The following GBX1 variants were observed in gnomAD, a reference collection of about 807,000 sequenced individuals.
GBX1 encodes gastrulation brain homeobox 1.
In GBX1, 9 loss-of-function variants were observed where a neutral mutation model predicts 22.9. The ratio of observed to expected loss-of-function variants is 0.39; its 90% CI spans 0.24 to 0.69. The LOEUF is 0.69. Ranked by LOEUF, GBX1 falls within the 30% of genes least tolerant of loss-of-function variation. The pLI is 0.43. For synonymous variants in GBX1, 203 were observed against 227.3 expected, an observed-to-expected ratio of 0.89 and a Z score of 0.96; for missense variants, 494 against 509.2, an observed-to-expected ratio of 0.97 and a Z score of 0.29.
At chr7:151,158,408 G>A (rs988021292) in intron 1 of GBX1, among the ~76,000 whole-genome samples, 1 of 151,882 alleles carries the variant, frequency 6.6e-6, no homozygotes, top group African/African-American at 2.4e-5. Flanking sequence ...AAACATATGA[G>A]GGAACAGAAA....
At chr7:151,152,412 T>TA (rs1469396522) in intron 1 of GBX1, among the ~76,000 whole-genome samples, 1 of 152,222 alleles carries the variant, frequency 6.6e-6, no homozygotes, top group African/African-American at 2.4e-5. Context: ...TATAGGATCT[T>TA]AAAAATCTAT....
At chr7:151,153,093 G>A (rs1217859217) in intron 1 of GBX1, among the ~76,000 whole-genome samples, 4 of 152,068 alleles carry the variant, frequency 2.6e-5, no homozygotes, top group African/African-American at 9.7e-5. Context: ...AAGGAAAGAA[G>A]TGGGGTAGAG....
chr7:151,167,071 C>G lies in GBX1; in HGVS notation c.478G>C (p.Val160Leu), dbSNP rs755163018. ...ADELLPAREK[V>L]AEPPPPPPPH... is the part of the protein sequence containing the mutation. ...GGCGGAGGTGGTGGGGGCTCTGCCA[C>G]TTTCTCCCGGGCCGGCAGCAGCTCA... Residue 160 changes from valine to leucine, a missense_variant, in exon 1 of 2, where the codon GTG becomes CTG. Around this residue, in one of 3 missense-constraint regions of GBX1, gnomAD observed 365 missense variants for 340.4 expected, o/e 1.07. Transcript: ENST00000297537. The surrounding 1 kb of genome is among the most constrained non-coding windows in gnomAD (Gnocchi z 5.9). 1.9e-6 allele frequency: 3 copies of G among 1,602,716 alleles called. No individual in the cohort carries two copies. In the African/African-American group the frequency reaches 4.1e-5, roughly 22 times the overall value.
rs748797106 is a variant in GBX1 at position 151,167,192 on chromosome 7, C to T, written c.357G>A (p.Gln119=). ...CGGCGGCAGCGGCGGCGGCGAGCTC[C>T]TGGGGCCCGTAGAAAGCGTCGGGCG... ...AEPPDAFYGP[Q]ELAAAAAAAA... Residue 119 remains glutamine (Q), a synonymous_variant, in exon 1 of 2, where the codon CAG becomes CAA. Transcript: ENST00000297537. This position sits in a 1 kb window ranked among gnomAD's most constrained non-coding sequence, Gnocchi z 5.9. 3 of 1,573,036 alleles carry T rather than the reference C, an allele frequency of 1.9e-6. No individual in the cohort carries two copies. The highest frequency in any genetic ancestry group is 2.6e-6 in the Non-Finnish European group (3 of 1,161,526).
chr7:151,156,383 C>T (rs1272568351), intron 1 of GBX1, among the ~76,000 whole-genome samples: 2 of 30,542 alleles, frequency 6.5e-5, no homozygotes, highest in Non-Finnish European at 1.2e-4. Context: ...GAGACCCTGT[C>T]TCAAAAAAAA....
At chr7:151,164,120 A>T (rs1032245198) in intron 1 of GBX1, among the ~76,000 whole-genome samples, 8 of 152,242 alleles carry the variant, frequency 5.3e-5, no homozygotes, top group African/African-American at 1.4e-4. Flanking sequence ...CTATGATTTT[A>T]TTTAAACGGG....
At chr7:151,156,417 C>CAAAAAAAAA in intron 1 of GBX1, among the ~76,000 whole-genome samples, 1 of 48,882 alleles carries the variant, frequency 2.0e-5, no homozygotes, top group Non-Finnish European at 4.2e-5. Flanking sequence ...AAAAAAAAAA[C>CAAAAAAAAA]GAAAAAAAAG....
intron 1 of GBX1, chr7:151,149,683 T>C (rs1801056476): frequency 3.2e-6 from 1 of 316,844 alleles, no homozygotes; most frequent in African/African-American, 2.3e-5. Context: ...GGGCTCAGCC[T>C]TTGCACTTCT....
chr7:151,158,182 A>G (rs1228325144), intron 1 of GBX1, among the ~76,000 whole-genome samples: 7 of 152,314 alleles, frequency 4.6e-5, no homozygotes, highest in African/African-American at 1.7e-4. Context: ...CAGAAGAGAC[A>G]ATGGTCACAT....
Position 151,148,506 on chromosome 7 carries a change from C to G in GBX1, c.*83G>C. 1 of 1,318,418 alleles carries G rather than the reference C, an allele frequency of 7.6e-7. No homozygotes were observed. Among genetic ancestry groups the G allele is most frequent in the East Asian group, 2.4e-5 (1 of 42,068 alleles). The allele number at this position is 1,318,418 out of a possible 1,614,324, so 81.7% of individuals were successfully genotyped here. A position where few individuals can be genotyped will look rare whatever the true frequency, so the allele number is the denominator to read the frequency against. ...TCTCAAGGCAGAATCACAGTTGCAG[C>G]CCCTCTGGTCCACAGAACCCTGACA... On this transcript the variant is annotated 3_prime_UTR_variant, in exon 2 of 2. Coordinates refer to ENST00000297537, the MANE Select transcript of GBX1 (RefSeq NM_001098834.3). The surrounding 1 kb of genome is among the most constrained non-coding windows in gnomAD (Gnocchi z 5.1).
intron 1 of GBX1, among the ~76,000 whole-genome samples, chr7:151,161,891 T>C (rs1801191348): frequency 6.6e-6 from 1 of 152,244 alleles, no homozygotes; most frequent in South Asian, 2.1e-4. Flanking sequence ...TTAAAAATCA[T>C]CTGAACCAAA....
At chr7:151,151,877 C>T (rs573929340) in intron 1 of GBX1, among the ~76,000 whole-genome samples, 1 of 152,318 alleles carries the variant, frequency 6.6e-6, no homozygotes, top group Non-Finnish European at 1.5e-5. Flanking sequence ...CTACTCTTCA[C>T]CTAGATCTTG....
intron 1 of GBX1, among the ~76,000 whole-genome samples, chr7:151,152,246 T>C (rs1198115525): frequency 6.6e-6 from 1 of 152,140 alleles, no homozygotes; most frequent in African/African-American, 2.4e-5. Context: ...TCCCTGTCCT[T>C]TCCTTTCCTA....
At chr7:151,165,423 G>A (rs979066248) in intron 1 of GBX1, among the ~76,000 whole-genome samples, 5 of 152,098 alleles carry the variant, frequency 3.3e-5, no homozygotes, top group African/African-American at 9.7e-5. Context: ...TATGTGTCTG[G>A]TTACACCTTC....
Position 151,167,006 on chromosome 7 carries a change from C to CT in GBX1, c.538+4dup. 4 of 1,605,140 alleles carry CT rather than the reference C, an allele frequency of 2.5e-6. No homozygotes were observed. The highest frequency in any genetic ancestry group is 8.5e-7 in the Non-Finnish European group (1 of 1,177,158). On this transcript the variant is annotated splice_donor_region_variant and intron_variant, in intron 1 of 1. Coordinates refer to ENST00000297537, the MANE Select transcript of GBX1 (RefSeq NM_001098834.3). The surrounding 1 kb of genome is among the most constrained non-coding windows in gnomAD (Gnocchi z 5.9). The stretch of plus-strand genomic sequence containing the variant: ...CCGCCAGCCCTGGTCGGCCCTAGCA[C>CT]TTACCGGGCAGACTTGGAAAAGTCT...
chr7:151,153,434 A>G (rs913473575), intron 1 of GBX1, among the ~76,000 whole-genome samples: 2 of 152,238 alleles, frequency 1.3e-5, no homozygotes, highest in Non-Finnish European at 2.9e-5. Context: ...TTTCTCTGGA[A>G]TTAGCTAAGA....
intron 1 of GBX1, among the ~76,000 whole-genome samples, chr7:151,162,178 T>C (rs1190345748): frequency 6.6e-6 from 1 of 152,220 alleles, no homozygotes; most frequent in Non-Finnish European, 1.5e-5. Context: ...ACTCTGACTG[T>C]ATGCTCAAAA....
chr7:151,149,958 A>G (rs921735814), intron 1 of GBX1: 1 of 455,960 alleles, frequency 2.2e-6, no homozygotes, highest in Non-Finnish European at 4.4e-6. Flanking sequence ...GAGCAGCACA[A>G]ACAGCTGTTT....
intron 1 of GBX1, among the ~76,000 whole-genome samples, chr7:151,157,514 T>C (rs1287387308): frequency 2.0e-5 from 3 of 152,200 alleles, no homozygotes; most frequent in African/African-American, 7.2e-5. Flanking sequence ...TCTTTATCAC[T>C]ATTTAGCTAG....
Sources: allele counts gnomAD v4.1 joint callset (sites outside exome capture counted in the v4.1 genomes callset), GRCh38; gene constraint gnomAD v4.1.1; regional missense constraint gnomAD v4.1.1; non-coding constraint Gnocchi (gnomAD v3.1); transcripts MANE v1.5; gene names NCBI Gene and HGNC (gene_info 2026-07-23, HGNC 2026-07-21).